The following PHACTR1 variants were observed in gnomAD, a reference collection of about 807,000 sequenced individuals.
PHACTR1 encodes phosphatase and actin regulator 1.
PHACTR1 carries 16 observed loss-of-function variants against 69.2 expected under a neutral mutation model. That is an observed-to-expected ratio of 0.23 (90% confidence interval 0.16 to 0.35). PHACTR1 has a LOEUF of 0.35. Ranked by LOEUF, PHACTR1 falls within the 10% of genes least tolerant of loss-of-function variation. The pLI is 1.00. For synonymous variants in PHACTR1, 312 were observed against 284.5 expected (o/e 1.10, Z -0.97); for missense variants, 510 against 734.7 (o/e 0.69, Z 3.54).
At chr6:13,044,049 C>A (rs1360223324) in intron 4 of PHACTR1, among the ~76,000 whole-genome samples, 1 of 151,964 alleles carries the variant, frequency 6.6e-6, no homozygotes, top group Non-Finnish European at 1.5e-5. Context: ...ATAATAACAT[C>A]TATTAGCTCA....
chr6:12,892,965 A>G (rs184594944), intron 4 of PHACTR1, among the ~76,000 whole-genome samples: 30 of 152,322 alleles, frequency 2.0e-4, no homozygotes, highest in East Asian at 1.2e-3. Context: ...TGGGATTTCC[A>G]GGACAAAGAG....
chr6:12,750,161 G>C (rs968941890), intron 4 of PHACTR1, among the ~76,000 whole-genome samples: 9 of 152,320 alleles, frequency 5.9e-5, no homozygotes, highest in African/African-American at 1.9e-4. Flanking sequence ...CGGCTACTAC[G>C]GGGTGGAACT....
intron 4 of PHACTR1, among the ~76,000 whole-genome samples, chr6:12,775,274 C>A (rs1298554475): frequency 6.6e-6 from 1 of 152,090 alleles, no homozygotes; most frequent in East Asian, 1.9e-4. Context: ...TCAAAAATAC[C>A]CCTAATGAAA....
chr6:12,771,840 A>T (rs1401354046), intron 4 of PHACTR1, among the ~76,000 whole-genome samples: 2 of 152,108 alleles, frequency 1.3e-5, no homozygotes, highest in Non-Finnish European at 2.9e-5. Flanking sequence ...AACTCTGGGG[A>T]GGGATAGAAG....
At chr6:13,009,697 G>A (rs1799219394) in intron 4 of PHACTR1, among the ~76,000 whole-genome samples, 2 of 152,028 alleles carry the variant, frequency 1.3e-5, no homozygotes, top group Non-Finnish European at 2.9e-5. Flanking sequence ...CAGCCTTGGG[G>A]GATTTCAAGG....
At chr6:12,887,263 A>T (rs1043608984) in intron 4 of PHACTR1, among the ~76,000 whole-genome samples, 1 of 152,182 alleles carries the variant, frequency 6.6e-6, no homozygotes, top group Non-Finnish European at 1.5e-5. Flanking sequence ...CATGCACCAA[A>T]AGGAAGAATG....
intron 4 of PHACTR1, among the ~76,000 whole-genome samples, chr6:12,937,356 AT>A (rs929720196): frequency 1.1e-3 from 157 of 146,786 alleles, no homozygotes; most frequent in Middle Eastern, 3.5e-3. Context: ...AATTGAGTGG[AT>A]TTTTTTTTTT....
chr6:13,006,228 C>G (rs559397726), intron 4 of PHACTR1, among the ~76,000 whole-genome samples: 1 of 152,332 alleles, frequency 6.6e-6, no homozygotes, highest in South Asian at 2.1e-4. Flanking sequence ...CAGCGATGCT[C>G]GGCATGGCAG....
intron 4 of PHACTR1, among the ~76,000 whole-genome samples, chr6:12,909,774 A>C (rs757258256): frequency 2.6e-5 from 4 of 152,190 alleles, no homozygotes; most frequent in Non-Finnish European, 4.4e-5. Flanking sequence ...GTGACTTAAG[A>C]TCGGCAGCAT....
chr6:13,120,377 C>T (rs1014802856), intron 5 of PHACTR1, among the ~76,000 whole-genome samples: 1 of 152,118 alleles, frequency 6.6e-6, no homozygotes, highest in Non-Finnish European at 1.5e-5. Context: ...CCCAAACCCA[C>T]ACTGCTGAGA....
chr6:13,100,106 C>G (rs1814909900), intron 5 of PHACTR1, among the ~76,000 whole-genome samples: 1 of 152,198 alleles, frequency 6.6e-6, no homozygotes. Context: ...CCTCAACCAT[C>G]ACTAGGTTTA....
chr6:12,781,785 G>A (rs1351596063), intron 4 of PHACTR1, among the ~76,000 whole-genome samples: 1 of 152,146 alleles, frequency 6.6e-6, no homozygotes, highest in Non-Finnish European at 1.5e-5. Flanking sequence ...GAGGGAGGGA[G>A]GGTGGTAAAT....
intron 4 of PHACTR1, among the ~76,000 whole-genome samples, chr6:12,790,084 T>A (rs1772073262): frequency 6.6e-6 from 1 of 152,156 alleles, no homozygotes; most frequent in Non-Finnish European, 1.5e-5. Context: ...TCCATTCCAT[T>A]TTTTTCTCAA....
intron 4 of PHACTR1, among the ~76,000 whole-genome samples, chr6:12,767,918 G>A (rs1768849547): frequency 6.6e-6 from 1 of 152,114 alleles, no homozygotes; most frequent in Non-Finnish European, 1.5e-5. Flanking sequence ...ATTTTTAGTG[G>A]TACTTGGCTT....
At chr6:13,031,236 A>T (rs1011018152) in intron 4 of PHACTR1, among the ~76,000 whole-genome samples, 9 of 152,182 alleles carry the variant, frequency 5.9e-5, no homozygotes, top group Admixed American at 5.2e-4. Context: ...ATCTAATGTA[A>T]TTGGAACCCC....
intron 4 of PHACTR1, among the ~76,000 whole-genome samples, chr6:13,005,051 C>A (rs1026102369): frequency 1.5e-4 from 23 of 151,566 alleles, no homozygotes; most frequent in African/African-American, 4.8e-4. Context: ...AAAAGCCCAG[C>A]AGTTTCTCAG....
At chr6:13,151,159 A>G (rs1824247592) in intron 5 of PHACTR1, among the ~76,000 whole-genome samples, 1 of 152,218 alleles carries the variant, frequency 6.6e-6, no homozygotes, top group South Asian at 2.1e-4. Context: ...AGCTACCACA[A>G]ATTTCATCAT....
intron 4 of PHACTR1, among the ~76,000 whole-genome samples, chr6:12,984,332 G>T (rs1183474803): frequency 2.6e-5 from 4 of 152,146 alleles, no homozygotes; most frequent in South Asian, 4.1e-4. Context: ...GGCCTTTTTT[G>T]TTGTTGTTGT....
At position 12,806,668 on chromosome 6, in the gene PHACTR1, C is replaced by T. The variant is rs897832111; in HGVS notation, c.250+56878C>T. 1.1e-4 allele frequency among the ~76,000 whole-genome samples: 16 copies of T among 152,014 alleles called. No homozygotes were observed. In the East Asian group the frequency reaches 3.1e-3, roughly 29 times the overall value. On this transcript the variant is annotated intron_variant, in intron 4 of 14. Transcript: ENST00000332995. ...TTTAGAGAGTATAACTTCTGCCATT[C>T]CTAGCATGCTTTAATACTAGAAAAT...
Sources: allele counts gnomAD v4.1 joint callset (sites outside exome capture counted in the v4.1 genomes callset), GRCh38; gene constraint gnomAD v4.1.1; transcripts MANE v1.5; gene names NCBI Gene and HGNC (gene_info 2026-07-23, HGNC 2026-07-21).